Variants in TMEM233 observed in about 807,000 individuals in gnomAD.
The protein encoded by TMEM233 is transmembrane protein 233.
In TMEM233, 6 loss-of-function variants were observed where a neutral mutation model predicts 11.2. That is an observed-to-expected ratio of 0.54 (90% confidence interval 0.29 to 1.06). TMEM233 has a LOEUF of 1.06. TMEM233 is among the 50% of genes least tolerant of loss of function. The probability of loss-of-function intolerance (pLI) is 0.08; values close to 1 mark genes in which losing one functional copy is unlikely to be tolerated. For missense variants in TMEM233, 127 were observed against 144.7 expected, an observed-to-expected ratio of 0.88 and a Z score of 0.63; for synonymous variants, 59 against 55.8, an observed-to-expected ratio of 1.06 and a Z score of -0.26.
At chr12:119,633,291 GA>G (rs1954920585) in intron 2 of TMEM233, among the ~76,000 whole-genome samples, 1 of 152,070 alleles carries the variant, frequency 6.6e-6, no homozygotes, top group African/African-American at 2.4e-5. Context: ...TGTTATTAAA[GA>G]AAACAGGCCA....
intron 1 of TMEM233, among the ~76,000 whole-genome samples, chr12:119,625,902 C>T (rs984017947): frequency 5.9e-5 from 9 of 152,112 alleles, no homozygotes; most frequent in Non-Finnish European, 5.9e-5. Context: ...ACTCTACACT[C>T]GAATTTCCCC....
At chr12:119,612,177 T>C (rs1412669182) in intron 1 of TMEM233, among the ~76,000 whole-genome samples, 1 of 152,038 alleles carries the variant, frequency 6.6e-6, no homozygotes, top group Non-Finnish European at 1.5e-5. Flanking sequence ...GCATTTTTAG[T>C]AGAGATGAGG....
At chr12:119,600,934 G>C (rs1954151708) in intron 1 of TMEM233, among the ~76,000 whole-genome samples, 1 of 151,682 alleles carries the variant, frequency 6.6e-6, no homozygotes, top group Non-Finnish European at 1.5e-5. Flanking sequence ...TAGTTAAAAT[G>C]GTCAATTTTA....
chr12:119,649,107 G>T, the TMEM233 span, among the ~76,000 whole-genome samples: 3 of 152,278 alleles, frequency 2.0e-5, no homozygotes, highest in Admixed American at 2.0e-4. Flanking sequence ...AGAACAGCCT[G>T]GCCAACATGG....
intron 2 of TMEM233, among the ~76,000 whole-genome samples, chr12:119,633,288 A>T (rs1240255151): frequency 6.6e-6 from 1 of 152,162 alleles, no homozygotes; most frequent in Non-Finnish European, 1.5e-5. Flanking sequence ...CTCTGTTATT[A>T]AAGAAAACAG....
At chr12:119,647,573 C>G (rs910676956), downstream of TMEM233, among the ~76,000 whole-genome samples, 41 of 152,160 alleles carry the variant, frequency 2.7e-4, no homozygotes, top group Admixed American at 1.8e-3. Context: ...ACTGCTCATT[C>G]TGGAGCATCT....
intron 1 of TMEM233, among the ~76,000 whole-genome samples, chr12:119,611,788 T>G (rs919869030): frequency 7.2e-5 from 11 of 152,136 alleles, no homozygotes; most frequent in African/African-American, 2.7e-4. Context: ...GCAAACATCA[T>G]GTTGGGCTAG....
At chr12:119,626,779 G>A (rs558292971) in intron 1 of TMEM233, among the ~76,000 whole-genome samples, 18 of 152,288 alleles carry the variant, frequency 1.2e-4, no homozygotes, top group African/African-American at 3.8e-4. Flanking sequence ...AGTGTACTAT[G>A]TCCTGCAGAC....
At chr12:119,599,832 C>A (rs540953900) in intron 1 of TMEM233, among the ~76,000 whole-genome samples, 1 of 152,256 alleles carries the variant, frequency 6.6e-6, no homozygotes, top group African/African-American at 2.4e-5. Context: ...GATTTTCTCT[C>A]TGGTAAGATT....
intron 1 of TMEM233, among the ~76,000 whole-genome samples, chr12:119,612,270 G>A (rs1954415086): frequency 6.6e-6 from 1 of 151,922 alleles, no homozygotes; most frequent in Non-Finnish European, 1.5e-5. Context: ...TGGGATTACA[G>A]GCGTGAGCCA....
Position 119,640,736 on chromosome 12 carries a change from G to C in TMEM233, c.*31G>C. On this transcript the variant is annotated 3_prime_UTR_variant, in exon 3 of 3. Transcript: ENST00000426426. ...CAGCGGTCAGTGGGCTGTGAGCGTG[G>C]AGGATGGACCTCATCCACACACACC... is the stretch of plus-strand genomic sequence containing the variant. 1 of 1,550,790 alleles carries C rather than the reference G, an allele frequency of 6.4e-7. No homozygotes were observed. Among genetic ancestry groups the C allele is most frequent in the Non-Finnish European group, 8.7e-7 (1 of 1,146,908 alleles).
At chr12:119,638,739 T>C (rs1297198329) in intron 2 of TMEM233, among the ~76,000 whole-genome samples, 1 of 151,964 alleles carries the variant, frequency 6.6e-6, no homozygotes, top group African/African-American at 2.4e-5. Context: ...ACACTGCAGT[T>C]TAAACATGAA....
chr12:119,605,888 G>A (rs1432519404), intron 1 of TMEM233, among the ~76,000 whole-genome samples: 1 of 152,056 alleles, frequency 6.6e-6, no homozygotes, highest in African/African-American at 2.4e-5. Flanking sequence ...CAGCCAAAAG[G>A]ACAATTCTCA....
chr12:119,596,590 C>T lies in TMEM233; in HGVS notation c.186+2556C>T, dbSNP rs1954053220. Among the ~76,000 whole-genome samples, 4 of 144,376 alleles carry T rather than the reference C, an allele frequency of 2.8e-5. No individual in the cohort carries two copies. In the South Asian group the frequency reaches 8.9e-4, roughly 32 times the overall value. The allele number at this position is 144,376 out of a possible 152,430, so 94.7% of individuals were successfully genotyped here. On this transcript the variant is annotated intron_variant, in intron 1 of 2. Transcript: ENST00000426426. ...CACTGCAACCTCCACCTCCCGGGTT[C>T]AAGCGATCCTTCCACCCCAGCCACC... is the stretch of plus-strand genomic sequence containing the variant.
In TMEM233 at chr12:119,595,426, C is replaced by T. The variant is rs902695546; in HGVS notation, c.186+1392C>T. Reference sequence around the variant, plus strand: ...CGATTCGTGGGCACCTGCAAGGCTCCATTTGCACCCGTAACTTGCCCTTTC... The same window carrying T: ...CGATTCGTGGGCACCTGCAAGGCTCTATTTGCACCCGTAACTTGCCCTTTC... On this transcript the variant is annotated intron_variant, in intron 1 of 2. Coordinates refer to ENST00000426426, the MANE Select transcript of TMEM233 (RefSeq NM_001136534.3). The surrounding 1 kb of genome is among the most constrained non-coding windows in gnomAD (Gnocchi z 4.3). Among the ~76,000 whole-genome samples the T allele has an allele frequency of 1.3e-5, 2 of 152,254 alleles. No individual in the cohort carries two copies. Among genetic ancestry groups the T allele is most frequent in the African/African-American group, 4.8e-5 (2 of 41,468 alleles).
chr12:119,637,355 C>T (rs893884901), intron 2 of TMEM233, among the ~76,000 whole-genome samples: 10 of 152,182 alleles, frequency 6.6e-5, no homozygotes, highest in African/African-American at 1.9e-4. Flanking sequence ...TACCTCTAAA[C>T]AGGGGTTAGG....
chr12:119,634,096 C>T (rs1490309742), intron 2 of TMEM233: 2 of 190,016 alleles, frequency 1.1e-5, no homozygotes, highest in Non-Finnish European at 1.9e-5. Flanking sequence ...ATGGACTGGT[C>T]GGTTTTCATT....
rs1465182953 is a variant in TMEM233, at chr12:119,640,637, A to G, written c.324-62A>G. ...AAATAAGGAAGGCATCGAGCTGGGAAAGCCAACCACAGAAGCTCAGCCCAC... is the reference window on the plus strand; with the variant it reads ...AAATAAGGAAGGCATCGAGCTGGGAGAGCCAACCACAGAAGCTCAGCCCAC... On this transcript the variant is annotated intron_variant, in intron 2 of 2. Coordinates refer to ENST00000426426, the MANE Select transcript of TMEM233 (RefSeq NM_001136534.3). 3.2e-6 allele frequency: 5 copies of G among 1,541,776 alleles called. No individual in the cohort carries two copies. In the South Asian group the frequency reaches 3.6e-5, roughly 11 times the overall value.
intron 1 of TMEM233, among the ~76,000 whole-genome samples, chr12:119,619,466 C>A (rs1954600448): frequency 6.6e-6 from 1 of 151,964 alleles, no homozygotes; most frequent in Non-Finnish European, 1.5e-5. Flanking sequence ...CATGGCACAA[C>A]CTCATCTCTA....
Sources: allele counts gnomAD v4.1 joint callset (sites outside exome capture counted in the v4.1 genomes callset), GRCh38; gene constraint gnomAD v4.1.1; non-coding constraint Gnocchi (gnomAD v3.1); transcripts MANE v1.5; gene names NCBI Gene and HGNC (gene_info 2026-07-23, HGNC 2026-07-21).